LCLAT1: variants seen among roughly 807,000 people sequenced by gnomAD.
LCLAT1 encodes the protein lysocardiolipin acyltransferase 1, also known as 1-AGP acyltransferase 8.
Under a neutral mutation model 30.7 loss-of-function variants are expected in LCLAT1, and 11 were observed. The ratio of observed to expected loss-of-function variants is 0.36; its 90% CI spans 0.23 to 0.59. The LOEUF is 0.59. Ranked by LOEUF, LCLAT1 falls within the 20% of genes least tolerant of loss-of-function variation. LCLAT1 has a pLI of 0.77. For synonymous variants in LCLAT1, 155 were observed against 151.3 expected (o/e 1.02, Z -0.18); for missense variants, 402 against 458.6 (o/e 0.88, Z 1.13).
chr2:30,558,830 A>G (rs1255843550), intron 3 of LCLAT1, among the ~76,000 whole-genome samples: 1 of 152,200 alleles, frequency 6.6e-6, no homozygotes, highest in Non-Finnish European at 1.5e-5. Context: ...CATAAACCCT[A>G]TGAGGCATCA....
chr2:30,593,338 T>C (rs1270168242), intron 5 of LCLAT1, among the ~76,000 whole-genome samples: 1 of 152,226 alleles, frequency 6.6e-6, no homozygotes, highest in Non-Finnish European at 1.5e-5. Context: ...AGTCCGTATC[T>C]TGGCTGTTGT....
intron 5 of LCLAT1, among the ~76,000 whole-genome samples, chr2:30,603,059 CT>C (rs1667266811): frequency 6.6e-6 from 1 of 152,038 alleles, no homozygotes; most frequent in Admixed American, 6.6e-5. Context: ...GATAATAAAG[CT>C]TTACCTAACA....
intron 5 of LCLAT1, among the ~76,000 whole-genome samples, chr2:30,616,257 A>C (rs983605981): frequency 6.6e-6 from 1 of 152,170 alleles, no homozygotes; most frequent in Admixed American, 6.6e-5. Flanking sequence ...ACCAGTTTCC[A>C]AATGTGTTGA....
At chr2:30,568,951 T>C (rs1665647933) in intron 5 of LCLAT1, among the ~76,000 whole-genome samples, 1 of 151,572 alleles carries the variant, frequency 6.6e-6, no homozygotes, top group Non-Finnish European at 1.5e-5. Context: ...AATATATCAT[T>C]CTCTTACTAT....
At chr2:30,500,597 T>C (rs1684327603) in intron 1 of LCLAT1, among the ~76,000 whole-genome samples, 1 of 152,224 alleles carries the variant, frequency 6.6e-6, no homozygotes, top group South Asian at 2.1e-4. Context: ...AAATACTTTA[T>C]ACATAGCAGA....
At chr2:30,458,732 C>G (rs1413300424) in intron 1 of LCLAT1, among the ~76,000 whole-genome samples, 1 of 152,088 alleles carries the variant, frequency 6.6e-6, no homozygotes, top group Admixed American at 6.5e-5. Context: ...CTCCCAAAAT[C>G]AGTACTGGTC....
At chr2:30,548,466 C>G (rs1454351635) in intron 3 of LCLAT1, among the ~76,000 whole-genome samples, 1 of 152,142 alleles carries the variant, frequency 6.6e-6, no homozygotes, top group Non-Finnish European at 1.5e-5. Flanking sequence ...TAAACATTTA[C>G]TGGTTTACAA....
intron 1 of LCLAT1, among the ~76,000 whole-genome samples, chr2:30,518,844 A>G (rs1685326842): frequency 6.6e-6 from 1 of 152,180 alleles, no homozygotes; most frequent in South Asian, 2.1e-4. Context: ...GTTTTACCCC[A>G]AGGGTTCAGG....
rs1294526458 is a variant in LCLAT1, at chr2:30,510,179, C to G, written c.-4-15408C>G. Among the ~76,000 whole-genome samples the G allele has an allele frequency of 5.3e-5, 8 of 152,048 alleles. No homozygotes were observed. In the South Asian group the frequency reaches 1.2e-3, roughly 24 times the overall value. ...CTTTCAGGATCATCCTTCTTGACCT[C>G]TCATCTATGATGATCTCTTACTTGC... is the stretch of plus-strand genomic sequence containing the variant. On this transcript the variant is annotated intron_variant, in intron 1 of 5. Coordinates refer to ENST00000379509, the MANE Select transcript of LCLAT1 (RefSeq NM_001002257.3).
At chr2:30,459,690 G>T (rs369331878) in intron 1 of LCLAT1, 5 of 1,613,956 alleles carry the variant, frequency 3.1e-6, no homozygotes, top group East Asian at 2.2e-5. Flanking sequence ...GCTACTGCAC[G>T]TACTTCATAA....
intron 1 of LCLAT1, among the ~76,000 whole-genome samples, chr2:30,480,282 G>T (rs952160695): frequency 6.6e-6 from 1 of 152,032 alleles, no homozygotes; most frequent in Non-Finnish European, 1.5e-5. Flanking sequence ...CTCGATCTTG[G>T]ATAGCTCAAG....
At chr2:30,506,972 C>G (rs776395796) in intron 1 of LCLAT1, among the ~76,000 whole-genome samples, 5 of 152,100 alleles carry the variant, frequency 3.3e-5, no homozygotes, top group African/African-American at 7.2e-5. Context: ...TATTTCAATT[C>G]CTTCAGATTG....
chr2:30,456,052 G>A (rs1348274917), intron 1 of LCLAT1, among the ~76,000 whole-genome samples: 3 of 151,270 alleles, frequency 2.0e-5, no homozygotes, highest in Non-Finnish European at 2.9e-5. Flanking sequence ...TTTCTTTTTC[G>A]AAGGCTTTAT....
chr2:30,494,499 A>G (rs1402875350), intron 1 of LCLAT1, among the ~76,000 whole-genome samples: 1 of 152,160 alleles, frequency 6.6e-6, no homozygotes, highest in Non-Finnish European at 1.5e-5. Flanking sequence ...ATTAAATGCT[A>G]TGATATACAA....
At chr2:30,551,481 G>A (rs1378897006) in intron 3 of LCLAT1, among the ~76,000 whole-genome samples, 2 of 152,154 alleles carry the variant, frequency 1.3e-5, no homozygotes, top group South Asian at 2.1e-4. Context: ...TTTTTATGAA[G>A]AATGATGTGA....
chr2:30,468,623 C>T (rs1682604049), intron 1 of LCLAT1, among the ~76,000 whole-genome samples: 1 of 152,036 alleles, frequency 6.6e-6, no homozygotes, highest in Non-Finnish European at 1.5e-5. Flanking sequence ...GTGCCACCAC[C>T]ACTGCTGTCT....
chr2:30,523,361 G>A (rs1278050540), intron 1 of LCLAT1, among the ~76,000 whole-genome samples: 4 of 151,854 alleles, frequency 2.6e-5, no homozygotes, highest in African/African-American at 7.3e-5. Flanking sequence ...GAGGATAGGT[G>A]GTAACACAGA....
At chr2:30,476,362 A>C (rs1683039934) in intron 1 of LCLAT1, 1 of 456,518 alleles carries the variant, frequency 2.2e-6, no homozygotes, top group Non-Finnish European at 4.4e-6. Flanking sequence ...GTAGGAGGTG[A>C]ATGGCAGGAC....
intron 1 of LCLAT1, among the ~76,000 whole-genome samples, chr2:30,524,652 C>A (rs752716560): frequency 1.4e-4 from 21 of 152,182 alleles, no homozygotes; most frequent in Non-Finnish European, 2.5e-4. Context: ...ACAATATATG[C>A]TATGCTACCT....
Sources: gnomAD v4.1 joint callset for allele counts (sites outside exome capture counted in the v4.1 genomes callset) on GRCh38, gnomAD v4.1.1 for gene constraint, MANE v1.5 for transcripts, NCBI Gene and HGNC (gene_info 2026-07-23, HGNC 2026-07-21) for gene names.